The following DEPDC5 variants were observed in gnomAD, a reference collection of about 807,000 sequenced individuals.
The protein encoded by DEPDC5 is GATOR1 complex protein DEPDC5.
A neutral mutation model predicts 217.3 loss-of-function variants in DEPDC5; 73 were observed. That is an observed-to-expected ratio of 0.34 (90% CI 0.28 to 0.41). DEPDC5 has a LOEUF of 0.41. Ranked by LOEUF, DEPDC5 falls within the 10% of genes least tolerant of loss-of-function variation. The pLI, the probability that DEPDC5 is intolerant of heterozygous loss-of-function variation, is 1.00. For missense variants in DEPDC5, 1,675 were observed against 2,070.1 expected (o/e 0.81, Z 3.70); for synonymous variants, 733 against 756.7 (o/e 0.97, Z 0.51).
intron 41 of DEPDC5, among the ~76,000 whole-genome samples, chr22:31,902,955 CT>C (rs2093676532): frequency 6.6e-6 from 1 of 151,954 alleles, no homozygotes; most frequent in Non-Finnish European, 1.5e-5. Flanking sequence ...GTTAAATCTG[CT>C]TTTTTCCTTC....
At chr22:31,806,273 T>A in intron 18 of DEPDC5, 82 bp downstream of exon 18, 7 of 1,215,494 alleles carry the variant, frequency 5.8e-6, no homozygotes, top group Non-Finnish European at 8.2e-6. Context: ...TCAGTCCTCC[T>A]GTTTCAGCCT....
chr22:31,811,705 ATGTCCAGCTAGTTT>A (rs2148718839), intron 20 of DEPDC5, among the ~76,000 whole-genome samples: 1 of 151,830 alleles, frequency 6.6e-6, no homozygotes, highest in African/African-American at 2.4e-5. Flanking sequence ...ATGCACCATC[ATGTCCAGCTAGTTT>A]TTAATTTTTT....
chr22:31,886,743 A>T (rs2093322120), intron 38 of DEPDC5, among the ~76,000 whole-genome samples: 1 of 136,832 alleles, frequency 7.3e-6, no homozygotes, highest in Non-Finnish European at 1.6e-5. Flanking sequence ...CTGAAAAAAT[A>T]CGTCTCCATC....
Position 31,857,492 on chromosome 22 carries a change from C to T in DEPDC5, c.3203C>T (p.Ala1068Val), listed in dbSNP as rs763883192. 9 of 1,612,240 alleles carry T rather than the reference C, an allele frequency of 5.6e-6. No homozygotes were observed. The highest frequency in any genetic ancestry group is 4.0e-5 in the African/African-American group (3 of 74,928). ...QAAVHGGKSS[A>V]QSAESSSVAM... ...GCTGTGCATGGTGGGAAGAGCTCCGCCCAGTCAGCCGAGAGCAGCAGCGTT... is the reference window on the plus strand; with the variant it reads ...GCTGTGCATGGTGGGAAGAGCTCCGTCCAGTCAGCCGAGAGCAGCAGCGTT... Residue 1068 changes from alanine to valine, a missense_variant, in exon 32 of 43, where the codon GCC becomes GTC. By Grantham distance (64) the Ala-to-Val change is moderately conservative. Transcript: ENST00000651528.
chr22:31,887,556 G>C (rs1391881973), intron 38 of DEPDC5, among the ~76,000 whole-genome samples: 1 of 152,066 alleles, frequency 6.6e-6, no homozygotes, highest in Non-Finnish European at 1.5e-5. Context: ...GGCCTTAGGG[G>C]GTCAGTGAGT....
chr22:31,875,509 A>G (rs1381358409), intron 36 of DEPDC5: 1 of 151,960 alleles, frequency 6.6e-6, no homozygotes, highest in Admixed American at 6.6e-5. Context: ...ATTTCTGGGG[A>G]GAGAGAAAGA....
chr22:31,887,511 T>C (rs2093346090), intron 38 of DEPDC5, among the ~76,000 whole-genome samples: 1 of 151,722 alleles, frequency 6.6e-6, no homozygotes, highest in Admixed American at 6.6e-5. Context: ...AGCAGGTAGT[T>C]TATTAAACAA....
intron 31 of DEPDC5, among the ~76,000 whole-genome samples, chr22:31,854,883 A>G (rs148019740): frequency 6.0e-4 from 92 of 152,334 alleles, no homozygotes; most frequent in African/African-American, 2.1e-3. Flanking sequence ...GGAGAGATGA[A>G]GAGGAGCTTA....
At chr22:31,879,820 C>G (rs1345912002) in intron 38 of DEPDC5, 68 bp downstream of exon 38, 3 of 1,434,078 alleles carry the variant, frequency 2.1e-6, no homozygotes, top group Middle Eastern at 2.3e-4. Flanking sequence ...TAGTGGCCAG[C>G]CAAGGGAACG....
At chr22:31,791,729 C>T (rs1380416420) in intron 10 of DEPDC5, among the ~76,000 whole-genome samples, 5 of 151,250 alleles carry the variant, frequency 3.3e-5, no homozygotes, top group Non-Finnish European at 7.4e-5. Context: ...GAGATCGAGA[C>T]CATCTTGGCC....
intron 38 of DEPDC5, among the ~76,000 whole-genome samples, chr22:31,888,450 C>T (rs758139793): frequency 2.6e-5 from 4 of 151,664 alleles, no homozygotes; most frequent in Non-Finnish European, 5.9e-5. Flanking sequence ...TGTGGTTTCA[C>T]CATGTTGGTC....
chr22:31,763,718 G>C (rs2082592087), intron 4 of DEPDC5, among the ~76,000 whole-genome samples: 2 of 151,558 alleles, frequency 1.3e-5, no homozygotes, highest in Non-Finnish European at 2.9e-5. Flanking sequence ...ACAGGCATGA[G>C]TCACCATGCC....
At chr22:31,764,490 G>A (rs927985311) in intron 4 of DEPDC5, among the ~76,000 whole-genome samples, 10 of 151,864 alleles carry the variant, frequency 6.6e-5, no homozygotes, top group South Asian at 2.1e-4. Context: ...ATCTCAGCTC[G>A]CTACAACCTC....
intron 37 of DEPDC5, 35 bp from the exon 38 acceptor site, chr22:31,879,490 T>C (rs748137285): frequency 1.3e-6 from 2 of 1,584,154 alleles, no homozygotes; most frequent in South Asian, 2.2e-5. Context: ...AGCATTTGTG[T>C]TGAGTACTCC....
At position 31,759,383 on chromosome 22, in the gene DEPDC5, G is replaced by T. The variant is rs28876481; in HGVS notation, c.146+750G>T. Among the ~76,000 whole-genome samples, 76 of 145,146 alleles carry T rather than the reference G, an allele frequency of 5.2e-4. 1 individual carries two copies. Among genetic ancestry groups the T allele is most frequent in the South Asian group, 3.2e-3 (14 of 4,396 alleles). ...TTTTTTGTTTTTTTTGTTTTTTTTT[G>T]TTTTTTTTGAGATGAAATCTCACTC... On this transcript the variant is annotated intron_variant, in intron 3 of 42. Coordinates refer to ENST00000651528, the MANE Select transcript of DEPDC5 (RefSeq NM_001242896.3).
rs768737581 is a variant in DEPDC5, at chr22:31,833,957, G to A, written c.2147G>A (p.Ser716Asn). The change falls in exon 25 of 43, where the codon AGT becomes AAT. Residue 716 changes from serine to asparagine, a missense_variant. This residue lies in a region of DEPDC5 where 136 missense variants were observed against 132.2 expected (regional missense o/e 1.03). Coordinates refer to ENST00000651528, the MANE Select transcript of DEPDC5 (RefSeq NM_001242896.3). ...RTQNKDSLED[S>N]VSTSPDPILT... Reference sequence around the variant, plus strand: ...CAGAATAAGGATTCTCTAGAGGACAGTGTTTCTACCTCTCCAGACCCAAGT... The same window carrying A: ...CAGAATAAGGATTCTCTAGAGGACAATGTTTCTACCTCTCCAGACCCAAGT... The A allele has an allele frequency of 6.2e-7, 1 of 1,613,222 alleles. No individual in the cohort carries two copies. The highest frequency in any genetic ancestry group is 8.5e-7 in the Non-Finnish European group (1 of 1,179,540).
rs1310031523 is a variant in DEPDC5 at position 31,804,230 on chromosome 22, A to G, written c.1143+7A>G. On this transcript the variant is annotated splice_region_variant and intron_variant, in intron 16 of 42. Coordinates refer to ENST00000651528, the MANE Select transcript of DEPDC5 (RefSeq NM_001242896.3). ...TGCTGTCCCATTGTTCAAGGTAATT[A>G]GATTTCGGATTTGTTTACTAAAGGC... is the stretch of plus-strand genomic sequence containing the variant. 6 of 1,613,928 alleles carry G rather than the reference A, an allele frequency of 3.7e-6. No individual in the cohort carries two copies. The highest frequency in any genetic ancestry group is 4.2e-6 in the Non-Finnish European group (5 of 1,179,992).
At chr22:31,841,706 A>C (rs1283556274) in intron 27 of DEPDC5, among the ~76,000 whole-genome samples, 2 of 152,242 alleles carry the variant, frequency 1.3e-5, no homozygotes, top group Non-Finnish European at 2.9e-5. Flanking sequence ...AAATCAAACC[A>C]ATCAGAGACA....
chr22:31,807,638 G>T (rs1328270849), intron 18 of DEPDC5, among the ~76,000 whole-genome samples: 2 of 152,082 alleles, frequency 1.3e-5, no homozygotes, highest in Non-Finnish European at 2.9e-5. Context: ...TCACATGTTG[G>T]CCAGGGTTGT....
Sources: allele counts gnomAD v4.1 joint callset (sites outside exome capture counted in the v4.1 genomes callset), GRCh38; gene constraint gnomAD v4.1.1; regional missense constraint gnomAD v4.1.1; transcripts MANE v1.5; gene names NCBI Gene and HGNC (gene_info 2026-07-23, HGNC 2026-07-21).